The following RAI1 variants were observed in gnomAD, a reference collection of about 807,000 sequenced individuals.
RAI1 encodes retinoic acid induced 1.
Under a neutral mutation model 123.8 loss-of-function variants are expected in RAI1, and 9 were observed. That is an observed-to-expected ratio of 0.07 (90% CI 0.04 to 0.13). RAI1 has a LOEUF of 0.13. Among genes scored for constraint, RAI1 ranks in the 10% least tolerant of loss-of-function variants. The pLI is 1.00. For synonymous variants in RAI1, 1,231 were observed against 1,127.3 expected, an observed-to-expected ratio of 1.09 and a Z score of -1.84; for missense variants, 2,256 against 2,545.8, an observed-to-expected ratio of 0.89 and a Z score of 2.45.
rs58147049 is a variant in RAI1, at chr17:17,800,180, GTCTCTCTCTCTCTCTCTC to G, written c.5565+1698_5565+1715del. ...TCTCTCCTGCTTTCTGTCTCTCTCT[GTCTCTCTCTCTCTCTCTC>G]TCTCTCTCTCTCTCTCTCTCTCTCT... is the stretch of plus-strand genomic sequence containing the variant. On this transcript the variant is annotated intron_variant, in intron 3 of 5. Transcript: ENST00000353383. This position sits in a 1 kb window ranked among gnomAD's most constrained non-coding sequence, Gnocchi z 4.7. Among the ~76,000 whole-genome samples the G allele has an allele frequency of 2.4e-4, 28 of 116,400 alleles. No individual in the cohort carries two copies. The highest frequency in any genetic ancestry group is 6.9e-4 in the African/African-American group (23 of 33,446). 76.4% of individuals were successfully genotyped at this position (116,400 alleles called of 152,430 possible).
chr17:17,781,336 G>T (rs2031573599), intron 2 of RAI1, among the ~76,000 whole-genome samples: 1 of 152,184 alleles, frequency 6.6e-6, no homozygotes, highest in Non-Finnish European at 1.5e-5. Flanking sequence ...GATTGGGCAC[G>T]GAGCAGTCTG....
At chr17:17,718,253 G>A (rs1273464505) in intron 1 of RAI1, among the ~76,000 whole-genome samples, 9 of 152,174 alleles carry the variant, frequency 5.9e-5, no homozygotes, top group Non-Finnish European at 1.3e-4. Flanking sequence ...GGAATCAGGG[G>A]AGTTGGGACA....
At chr17:17,693,090 G>T (rs934749731) in intron 1 of RAI1, among the ~76,000 whole-genome samples, 7 of 152,206 alleles carry the variant, frequency 4.6e-5, no homozygotes. Flanking sequence ...CCATGGGTGC[G>T]CACATCTGCA....
intron 1 of RAI1, among the ~76,000 whole-genome samples, chr17:17,695,187 C>T (rs1226702566): frequency 6.6e-6 from 1 of 152,158 alleles, no homozygotes; most frequent in African/African-American, 2.4e-5. Flanking sequence ...CGAGCTCTTC[C>T]CCGGAACTGT....
intron 2 of RAI1, among the ~76,000 whole-genome samples, chr17:17,770,433 C>G (rs969958783): frequency 1.3e-5 from 2 of 152,128 alleles, no homozygotes; most frequent in Non-Finnish European, 2.9e-5. Context: ...GGGATCCTTG[C>G]GTGTGCATAA....
Position 17,801,761 on chromosome 17 carries a change from C to T in RAI1, c.5566-1995C>T, listed in dbSNP as rs567243067. ...TGCTGTGGTTGGGATGGTGCGCCCA[C>T]CCTGAGCATGTGGGGTCCTGTGGGC... is the stretch of plus-strand genomic sequence containing the variant. On this transcript the variant is annotated intron_variant, in intron 3 of 5. Transcript: ENST00000353383. The surrounding 1 kb of genome is among the most constrained non-coding windows in gnomAD (Gnocchi z 4.1). Among the ~76,000 whole-genome samples, 3 of 152,326 alleles carry T rather than the reference C, an allele frequency of 2.0e-5. No individual in the cohort carries two copies. Among genetic ancestry groups the T allele is most frequent in the East Asian group, 1.9e-4 (1 of 5,180 alleles).
intron 4 of RAI1, among the ~76,000 whole-genome samples, chr17:17,807,511 A>G: frequency 6.6e-6 from 1 of 152,224 alleles, no homozygotes; most frequent in South Asian, 2.1e-4. Flanking sequence ...GCTACACCAC[A>G]GTGTCCTGTC....
In RAI1 at chr17:17,793,293, G is replaced by T. The variant is rs766394915; in HGVS notation, c.345G>T (p.Glu115Asp). 6.2e-7 allele frequency: 1 copy of T among 1,612,534 alleles called. No homozygotes were observed. Among genetic ancestry groups the T allele is most frequent in the Non-Finnish European group, 8.5e-7 (1 of 1,179,750 alleles). Residue 115 changes from glutamate (E) to aspartate (D), a missense_variant, in exon 3 of 6, where the codon GAG (glutamate) becomes GAT (aspartate). This residue lies in a region of RAI1 where 336 missense variants were observed against 349.8 expected (regional missense o/e 0.96). Coordinates refer to ENST00000353383, the MANE Select transcript of RAI1 (RefSeq NM_030665.4). The part of the protein sequence containing the change: ...SSPYPGRYAG[E>D]ESLQAWGAPQ... The stretch of plus-strand genomic sequence containing the variant: ...CCTACCCAGGCCGCTATGCTGGTGA[G>T]GAGAGCCTTCAGGCTTGGGGGGCCC...
At chr17:17,713,113 C>G (rs1316203268) in intron 1 of RAI1, among the ~76,000 whole-genome samples, 1 of 152,070 alleles carries the variant, frequency 6.6e-6, no homozygotes, top group African/African-American at 2.4e-5. Flanking sequence ...CCTGAGTTGT[C>G]CCCTTTAAAA....
chr17:17,754,533 G>T (rs1053738433), intron 2 of RAI1, among the ~76,000 whole-genome samples: 1 of 152,182 alleles, frequency 6.6e-6, no homozygotes, highest in African/African-American at 2.4e-5. Flanking sequence ...ACTGCGCCCA[G>T]CCTCCCTAAC....
In RAI1 at chr17:17,725,763, G is replaced by A. The variant is rs187019401; in HGVS notation, c.-17+1604G>A. On this transcript the variant is annotated intron_variant, in intron 2 of 5. Coordinates refer to ENST00000353383, the MANE Select transcript of RAI1 (RefSeq NM_030665.4). ...TTTTCTTCCTGGGGTAGAGAGCCAG[G>A]TCCAGAGACACCAAGCTGGCAACCC... Among the ~76,000 whole-genome samples, 9 of 152,224 alleles carry A rather than the reference G, an allele frequency of 5.9e-5. No individual in the cohort carries two copies. The East Asian group carries it at 1.7e-3, about 30-fold the overall frequency.
Position 17,798,258 on chromosome 17 carries a change from C to T in RAI1, c.5310C>T (p.Arg1770=). Residue 1770 remains arginine (R), a synonymous_variant, in exon 3 of 6, where the codon CGC becomes CGT. Coordinates refer to ENST00000353383, the MANE Select transcript of RAI1 (RefSeq NM_030665.4). ...ACCCGGCCAAGCAGGGCCCACTGCG[C>T]ACCAGTGCCCGGGGCCTGTCCCGGA... ...PADPAKQGPL[R]TSARGLSRRL... The T allele has an allele frequency of 1.2e-6, 2 of 1,604,716 alleles. No homozygotes were observed. The highest frequency in any genetic ancestry group is 1.7e-6 in the Non-Finnish European group (2 of 1,175,460).
intron 1 of RAI1, among the ~76,000 whole-genome samples, chr17:17,690,003 G>A (rs1287222055): frequency 3.3e-5 from 5 of 152,036 alleles, no homozygotes; most frequent in Non-Finnish European, 1.5e-5. Context: ...TGACTGTTGG[G>A]GCCTGATGCT....
intron 2 of RAI1, among the ~76,000 whole-genome samples, chr17:17,732,382 A>G (rs1261399777): frequency 6.6e-6 from 1 of 152,084 alleles, no homozygotes; most frequent in East Asian, 1.9e-4. Context: ...GACATTCCCC[A>G]TGTTTGTGGC....
Position 17,738,541 on chromosome 17 carries a change from G to T in RAI1, c.-17+14382G>T, listed in dbSNP as rs952829677. Among the ~76,000 whole-genome samples the T allele has an allele frequency of 1.1e-4, 17 of 152,318 alleles. No individual in the cohort carries two copies. In the East Asian group the frequency reaches 3.3e-3, roughly 29 times the overall value. Reference sequence around the variant, plus strand: ...GGCCTGTCTGCGGGTGAAGGCGGGGGCAGAGGACTCCAGGGACCAGCAGGA... The same window carrying T: ...GGCCTGTCTGCGGGTGAAGGCGGGGTCAGAGGACTCCAGGGACCAGCAGGA... On this transcript the variant is annotated intron_variant, in intron 2 of 5. Coordinates refer to ENST00000353383, the MANE Select transcript of RAI1 (RefSeq NM_030665.4).
In RAI1 at chr17:17,789,226, A is replaced by G. The variant is rs576545177; in HGVS notation, c.-16-3707A>G. On this transcript the variant is annotated intron_variant, in intron 2 of 5. Transcript: ENST00000353383. ...CGCTGCTGCTGAGGGCGTCCTGCAT[A>G]GGAGCTTCCCTGCGGGTGGGCTCTG... Among the ~76,000 whole-genome samples, 259 of 152,336 alleles carry G rather than the reference A, an allele frequency of 1.7e-3. 2 individuals are homozygous for G. The highest frequency in any genetic ancestry group is 5.9e-3 in the African/African-American group (247 of 41,568).
chr17:17,749,470 A>G (rs937528843), intron 2 of RAI1, among the ~76,000 whole-genome samples: 5 of 152,134 alleles, frequency 3.3e-5, no homozygotes, highest in Non-Finnish European at 7.4e-5. Context: ...CGAGTGTGCT[A>G]TTTTCTCCTC....
Position 17,796,798 on chromosome 17 carries a change from G to A in RAI1, c.3850G>A (p.Gly1284Ser). The A allele has an allele frequency of 6.2e-7, 1 of 1,611,896 alleles. No individual in the cohort carries two copies. Among genetic ancestry groups the A allele is most frequent in the East Asian group, 2.2e-5 (1 of 44,820 alleles). Residue 1284 changes from glycine (G) to serine (S), a missense_variant, in exon 3 of 6, where the codon GGC becomes AGC. Gly to Ser is a moderately conservative substitution (Grantham distance 56). Coordinates refer to ENST00000353383, the MANE Select transcript of RAI1 (RefSeq NM_030665.4). The surrounding 1 kb of genome is among the most constrained non-coding windows in gnomAD (Gnocchi z 5.8). The stretch of plus-strand genomic sequence containing the variant: ...TCCCAAGAAAGCCAAGCCCACCAAG[G>A]GCAATGGCGAGCCTGCCACAAAGCT... ...SSPKKAKPTK[G>S]NGEPATKLPP...
rs757109352 is a variant in RAI1, at chr17:17,793,984, C to T, written c.1036C>T (p.Pro346Ser). The T allele has an allele frequency of 2.5e-6, 4 of 1,613,958 alleles. No homozygotes were observed. The South Asian group carries it at 3.3e-5, about 13-fold the overall frequency. The change falls in exon 3 of 6, where the codon CCC becomes TCC. Residue 346 changes from proline to serine, a missense_variant. Physicochemically the swap from Pro to Ser is moderately conservative, Grantham distance 74. Coordinates refer to ENST00000353383, the MANE Select transcript of RAI1 (RefSeq NM_030665.4). ...QTFSPSSSHS[P>S]ARSVGRSPSY... The stretch of plus-strand genomic sequence containing the variant: ...CTTCAGCCCCAGCTCCAGCCACTCA[C>T]CCGCCCGCTCCGTGGGCCGCTCACC...
Sources: allele counts gnomAD v4.1 joint callset (sites outside exome capture counted in the v4.1 genomes callset), GRCh38; gene constraint gnomAD v4.1.1; regional missense constraint gnomAD v4.1.1; non-coding constraint Gnocchi (gnomAD v3.1); transcripts MANE v1.5; gene names NCBI Gene and HGNC (gene_info 2026-07-23, HGNC 2026-07-21).